The following BACH2 variants were observed in gnomAD, a reference collection of about 807,000 sequenced individuals.
The protein encoded by BACH2 is BACH transcriptional regulator 2.
A neutral mutation model predicts 61.8 loss-of-function variants in BACH2; 5 were observed. The observed-to-expected ratio is 0.08, with a 90% CI of 0.04 to 0.17. The LOEUF is 0.17. BACH2 is among the 10% of genes least tolerant of loss of function. The pLI is 1.00. For synonymous variants in BACH2, 446 were observed against 440.1 expected (o/e 1.01, Z -0.17); for missense variants, 824 against 1,091.1 (o/e 0.76, Z 3.45).
intron 4 of BACH2, among the ~76,000 whole-genome samples, chr6:90,182,032 G>A (rs188631798): frequency 3.3e-5 from 5 of 152,236 alleles, no homozygotes; most frequent in Admixed American, 2.6e-4. Flanking sequence ...AATCTCAGGA[G>A]CTGCTTTCAA....
At chr6:90,295,654 G>GGTGTGTGTGTGTGTGT (rs138869202) in intron 1 of BACH2, among the ~76,000 whole-genome samples, 101 of 147,826 alleles carry the variant, frequency 6.8e-4, no homozygotes, top group African/African-American at 2.1e-3. Context: ...TGGAGTGTAG[G>GGTGTGTGTGTGTGTGT]GTGTGTGTGT....
At chr6:89,936,490 T>C (rs62408170) in intron 8 of BACH2, among the ~76,000 whole-genome samples, 10,277 of 152,228 alleles carry the variant, frequency 0.068, 470 homozygotes, top group East Asian at 0.26. Context: ...TGGAGGAATG[T>C]CCAAGGCAGA....
intron 5 of BACH2, among the ~76,000 whole-genome samples, chr6:90,039,051 A>AG: frequency 6.6e-6 from 1 of 152,214 alleles, no homozygotes; most frequent in East Asian, 1.9e-4. Flanking sequence ...CAAAAAAAAA[A>AG]AAAAAAGTTT....
Position 89,951,308 on chromosome 6 carries a change from G to C in BACH2, c.798C>G (p.Leu266=). 2 of 1,614,228 alleles carry C rather than the reference G, an allele frequency of 1.2e-6. No individual in the cohort carries two copies. The highest frequency in any genetic ancestry group is 1.7e-6 in the Non-Finnish European group (2 of 1,180,032). The stretch of plus-strand genomic sequence containing the variant: ...TCTGCCCCCTGGCAAGCCCCGGCTT[G>C]AGGCTGTTGCTAGAGTTATCTTCCC... ...TFREDNSSNS[L]KPGLARGQIK... is the part of the protein sequence containing the mutation. The change falls in exon 7 of 9, where the codon CTC becomes CTG. Residue 266 remains leucine (L), a synonymous_variant. Coordinates refer to ENST00000257749, the MANE Select transcript of BACH2 (RefSeq NM_021813.4). The surrounding 1 kb of genome is among the most constrained non-coding windows in gnomAD (Gnocchi z 6.4).
rs145767850 is a variant in BACH2, at chr6:89,960,125, T to G, written c.244-8263A>C. On this transcript the variant is annotated intron_variant, in intron 6 of 8. Transcript: ENST00000257749. ...TCCAGCCCTAGGAGTGGTAGATACT[T>G]TCTGCGGTCATTAATCATTAGGTTA... is the stretch of plus-strand genomic sequence containing the variant. Among the ~76,000 whole-genome samples, 214 of 152,312 alleles carry G rather than the reference T, an allele frequency of 1.4e-3. 2 individuals are homozygous for G. The highest frequency in any genetic ancestry group is 0.012 in the Admixed American group (184 of 15,304).
At chr6:90,086,066 T>C (rs1233411348) in intron 5 of BACH2, among the ~76,000 whole-genome samples, 3 of 152,220 alleles carry the variant, frequency 2.0e-5, no homozygotes. Context: ...GTATCTCATA[T>C]AAATGAGATA....
intron 5 of BACH2, among the ~76,000 whole-genome samples, chr6:90,015,605 A>T (rs1404498064): frequency 6.6e-6 from 1 of 152,090 alleles, no homozygotes; most frequent in East Asian, 1.9e-4. Flanking sequence ...ATCCTCTCTG[A>T]TTTAATTCCA....
intron 6 of BACH2, among the ~76,000 whole-genome samples, chr6:89,968,211 A>G (rs991414618): frequency 6.6e-6 from 1 of 152,244 alleles, no homozygotes; most frequent in African/African-American, 2.4e-5. Context: ...CTGGCAAAGG[A>G]GGTGGCAATT....
At chr6:89,992,596 C>A (rs908865207) in intron 6 of BACH2, among the ~76,000 whole-genome samples, 1 of 152,124 alleles carries the variant, frequency 6.6e-6, no homozygotes, top group African/African-American at 2.4e-5. Flanking sequence ...GAGCTGAGAT[C>A]GTGCCACTGC....
intron 3 of BACH2, among the ~76,000 whole-genome samples, chr6:90,232,693 C>A (rs953134068): frequency 6.6e-6 from 1 of 152,182 alleles, no homozygotes; most frequent in Non-Finnish European, 1.5e-5. Flanking sequence ...CTGTGTAGAG[C>A]TGCAAACTAT....
intron 2 of BACH2, among the ~76,000 whole-genome samples, chr6:90,257,822 C>A (rs759055162): frequency 6.6e-5 from 10 of 152,144 alleles, no homozygotes; most frequent in Non-Finnish European, 1.2e-4. Flanking sequence ...GTCCTCCAGG[C>A]TAGAGTGCAG....
intron 4 of BACH2, among the ~76,000 whole-genome samples, chr6:90,126,708 T>C (rs1193032685): frequency 1.3e-5 from 2 of 152,214 alleles, no homozygotes; most frequent in African/African-American, 4.8e-5. Context: ...CTCTTTATGG[T>C]GGTATCTCTA....
chr6:90,295,568 C>G (rs1772320177), intron 1 of BACH2, among the ~76,000 whole-genome samples: 2 of 152,130 alleles, frequency 1.3e-5, no homozygotes, highest in Admixed American at 1.3e-4. Context: ...CACGGAGCGC[C>G]TCGACGCGGG....
chr6:90,109,904 C>T (rs772638365), intron 4 of BACH2, among the ~76,000 whole-genome samples: 12 of 151,902 alleles, frequency 7.9e-5, no homozygotes, highest in Admixed American at 2.0e-4. Context: ...TTGATATGTG[C>T]CATATTAGAA....
At chr6:90,292,326 T>C (rs1772204522) in intron 1 of BACH2, among the ~76,000 whole-genome samples, 1 of 152,226 alleles carries the variant, frequency 6.6e-6, no homozygotes, top group African/African-American at 2.4e-5. Context: ...GTCTGGCACA[T>C]GGTGCGGATT....
intron 4 of BACH2, among the ~76,000 whole-genome samples, chr6:90,199,878 C>T (rs1768898338): frequency 6.6e-6 from 1 of 152,334 alleles, no homozygotes; most frequent in South Asian, 2.1e-4. Flanking sequence ...CTGACCAGGA[C>T]TGAGGGTCCA....
At chr6:90,215,037 G>A (rs984001534) in intron 3 of BACH2, among the ~76,000 whole-genome samples, 2 of 152,108 alleles carry the variant, frequency 1.3e-5, no homozygotes, top group Admixed American at 1.3e-4. Flanking sequence ...TTACAGGCAT[G>A]AGCCACTGTA....
At chr6:90,041,792 T>C (rs1361575234) in intron 5 of BACH2, among the ~76,000 whole-genome samples, 3 of 152,320 alleles carry the variant, frequency 2.0e-5, no homozygotes, top group African/African-American at 7.2e-5. Flanking sequence ...GTTTCCTTGA[T>C]TGTGTTGAGG....
intron 4 of BACH2, among the ~76,000 whole-genome samples, chr6:90,153,578 T>C (rs1202917322): frequency 1.3e-5 from 2 of 152,172 alleles, no homozygotes; most frequent in Non-Finnish European, 2.9e-5. Context: ...CACTAACAGA[T>C]AAATTTTAGA....
Sources: allele counts gnomAD v4.1 joint callset (sites outside exome capture counted in the v4.1 genomes callset), GRCh38; gene constraint gnomAD v4.1.1; non-coding constraint Gnocchi (gnomAD v3.1); transcripts MANE v1.5; gene names NCBI Gene and HGNC (gene_info 2026-07-23, HGNC 2026-07-21).